Variants in MTMR7 observed in about 807,000 individuals in gnomAD.
MTMR7 encodes myotubularin related protein 7.
In MTMR7, 76 loss-of-function variants were observed where a neutral mutation model predicts 81.2. That is an observed-to-expected ratio of 0.94 (90% CI 0.78 to 1.13). The LOEUF (loss-of-function observed/expected upper bound fraction) is 1.13. Ranked by LOEUF, MTMR7 falls within the 50% of genes most tolerant of loss-of-function variation. The probability of loss-of-function intolerance (pLI) is 0.00; values close to 1 mark genes in which losing one functional copy is unlikely to be tolerated. For missense variants in MTMR7, 1,044 were observed against 820.0 expected (o/e 1.27, Z -3.34); for synonymous variants, 372 against 289.8 (o/e 1.28, Z -2.88).
At chr8:17,342,355 G>A (rs1340064402) in intron 5 of MTMR7, among the ~76,000 whole-genome samples, 1 of 152,192 alleles carries the variant, frequency 6.6e-6, no homozygotes, top group Non-Finnish European at 1.5e-5. Context: ...GAGACTGTAA[G>A]TCCACAGTGT....
chr8:17,412,527 A>T (rs1013119177), intron 1 of MTMR7, among the ~76,000 whole-genome samples: 2 of 152,234 alleles, frequency 1.3e-5, no homozygotes, highest in Non-Finnish European at 2.9e-5. Context: ...GAGGAGGAAG[A>T]TTTGGTACAG....
At chr8:17,371,359 G>A (rs1034577255) in intron 2 of MTMR7, among the ~76,000 whole-genome samples, 160 bp from the exon 3 acceptor site, 5 of 152,168 alleles carry the variant, frequency 3.3e-5, no homozygotes, top group Admixed American at 3.3e-4. Flanking sequence ...GATGTTCCAG[G>A]TAAGAACCAA....
intron 1 of MTMR7, among the ~76,000 whole-genome samples, chr8:17,406,998 C>G (rs1296243278): frequency 6.6e-6 from 1 of 152,016 alleles, no homozygotes; most frequent in Admixed American, 6.6e-5. Flanking sequence ...TATAGTGTTT[C>G]TCTTTGGAGT....
chr8:17,316,380 T>C lies in MTMR7; in HGVS notation c.866-2979A>G, dbSNP rs185248359. Among the ~76,000 whole-genome samples the C allele has an allele frequency of 4.0e-3, 608 of 152,070 alleles. 7 individuals are homozygous for C. The highest frequency in any genetic ancestry group is 0.014 in the African/African-American group (579 of 41,490). On this transcript the variant is annotated intron_variant, in intron 7 of 13. Transcript: ENST00000180173. Reference sequence around the variant, plus strand: ...CATTAATTTTAACAGCTATATAATATTCCACTCTATATCTTAAATTATTTA... The same window carrying C: ...CATTAATTTTAACAGCTATATAATACTCCACTCTATATCTTAAATTATTTA...
intron 1 of MTMR7, among the ~76,000 whole-genome samples, chr8:17,375,208 C>A (rs1395681867): frequency 6.6e-6 from 1 of 152,080 alleles, no homozygotes; most frequent in Non-Finnish European, 1.5e-5. Flanking sequence ...CTCAAAACAC[C>A]AAGAGCAAAC....
At chr8:17,335,766 C>T (rs368285432) in intron 6 of MTMR7, among the ~76,000 whole-genome samples, 11 of 152,354 alleles carry the variant, frequency 7.2e-5, no homozygotes, top group African/African-American at 2.4e-4. Context: ...CCTTTCTACC[C>T]GCTAAGGACC....
rs559831673 is a variant in MTMR7 at position 17,354,951 on chromosome 8, TTGTTAGTTTTGTTTTGC to T, written c.469-5887_469-5871del. Among the ~76,000 whole-genome samples the T allele has an allele frequency of 5.9e-5, 9 of 152,304 alleles. No homozygotes were observed. In the East Asian group the frequency reaches 7.7e-4, roughly 13 times the overall value. On this transcript the variant is annotated intron_variant, in intron 4 of 13. Coordinates refer to ENST00000180173, the MANE Select transcript of MTMR7 (RefSeq NM_004686.5). ...TTTCTGCTTCAAAACAGTTTGTTCCTTGTTAGTTTTGTTTTGCTGTTAGTTTTGTTTTGCTGTGTGTT... is the reference window on the plus strand; with the variant it reads ...TTTCTGCTTCAAAACAGTTTGTTCCTTGTTAGTTTTGTTTTGCTGTGTGTT...
chr8:17,353,838 T>C lies in MTMR7; in HGVS notation c.469-4757A>G, dbSNP rs80189530. Among the ~76,000 whole-genome samples the C allele has an allele frequency of 7.2e-5, 11 of 152,334 alleles. No homozygotes were observed. In the East Asian group the frequency reaches 1.9e-3, roughly 27 times the overall value. On this transcript the variant is annotated intron_variant, in intron 4 of 13. Transcript: ENST00000180173. Reference sequence around the variant, plus strand: ...TTCCTGGAGTGCCCACATCCCTTGGTGCTGTCCTGGCAAGGGGAATCTTTT... The same window carrying C: ...TTCCTGGAGTGCCCACATCCCTTGGCGCTGTCCTGGCAAGGGGAATCTTTT...
At chr8:17,401,092 TGTA>T (rs1821415203) in intron 1 of MTMR7, among the ~76,000 whole-genome samples, 1 of 152,090 alleles carries the variant, frequency 6.6e-6, no homozygotes, top group Non-Finnish European at 1.5e-5. Flanking sequence ...GGATACGGAA[TGTA>T]TGCATGTGTG....
At chr8:17,307,791 A>G (rs1817553207) in intron 10 of MTMR7, among the ~76,000 whole-genome samples, 1 of 152,138 alleles carries the variant, frequency 6.6e-6, no homozygotes, top group Admixed American at 6.5e-5. Flanking sequence ...CAAGGACAAA[A>G]AAACCAAACA....
intron 4 of MTMR7, chr8:17,349,318 G>A: frequency 2.6e-6 from 1 of 385,450 alleles, no homozygotes; most frequent in East Asian, 4.0e-5. Flanking sequence ...CCCGTGCACT[G>A]TCCCCTCTCT....
At chr8:17,319,103 A>G (rs368889884) in intron 7 of MTMR7, among the ~76,000 whole-genome samples, 1 of 152,222 alleles carries the variant, frequency 6.6e-6, no homozygotes, top group Admixed American at 6.5e-5. Flanking sequence ...ACGTCTGAGT[A>G]ATAATCATGA....
chr8:17,309,908 G>T (rs1029492871), intron 9 of MTMR7, among the ~76,000 whole-genome samples: 2 of 152,296 alleles, frequency 1.3e-5, no homozygotes, highest in East Asian at 3.9e-4. Flanking sequence ...GCCCTGCTTT[G>T]AAATTAGGGT....
chr8:17,403,052 G>C (rs1821474662), intron 1 of MTMR7, among the ~76,000 whole-genome samples: 1 of 152,116 alleles, frequency 6.6e-6, no homozygotes, highest in Admixed American at 6.5e-5. Flanking sequence ...CTTCCTTTGA[G>C]AAATGTCTAT....
rs534792461 is a variant in MTMR7, at chr8:17,298,883, C to T, written c.*979G>A. 9.9e-4 allele frequency: 150 copies of T among 152,270 alleles called. 1 individual carries two copies. The highest frequency in any genetic ancestry group is 3.3e-3 in the African/African-American group (139 of 41,560). 9.4% of individuals were successfully genotyped at this position (152,270 alleles called of 1,614,324 possible). On this transcript the variant is annotated 3_prime_UTR_variant, in exon 14 of 14. Transcript: ENST00000180173. Reference sequence around the variant, plus strand: ...GAGATGTTACTAAGGTTAATTAAACCATATTAGCCAGTTACATAATTTCTA... The same window carrying T: ...GAGATGTTACTAAGGTTAATTAAACTATATTAGCCAGTTACATAATTTCTA...
intron 8 of MTMR7, among the ~76,000 whole-genome samples, chr8:17,312,135 A>G (rs759692249): frequency 2.0e-5 from 3 of 152,274 alleles, no homozygotes; most frequent in Non-Finnish European, 2.9e-5. Context: ...GAAAATCTCC[A>G]GTAAGAAAAG....
chr8:17,349,162 C>T (rs1052186018), intron 4 of MTMR7, 81 bp from the exon 5 acceptor site: 22 of 1,516,042 alleles, frequency 1.5e-5, no homozygotes, highest in South Asian at 7.0e-5. Flanking sequence ...CACTTCACCA[C>T]GCTTACAGGT....
chr8:17,371,956 T>C lies in MTMR7; in HGVS notation c.148-757A>G, dbSNP rs183793916. On this transcript the variant is annotated intron_variant, in intron 2 of 13. Transcript: ENST00000180173. ...TGAGTATGGTCACCTTGCTGTGCAA[T>C]AGATTTCCAGACTTTTCCTCCTGTC... is the stretch of plus-strand genomic sequence containing the variant. 2.1e-3 allele frequency among the ~76,000 whole-genome samples: 320 copies of C among 150,102 alleles called. 2 individuals are homozygous for C. The highest frequency in any genetic ancestry group is 2.4e-3 in the Non-Finnish European group (163 of 67,640).
chr8:17,353,618 G>A (rs570290993), intron 4 of MTMR7, among the ~76,000 whole-genome samples: 2 of 152,126 alleles, frequency 1.3e-5, no homozygotes, highest in Non-Finnish European at 2.9e-5. Context: ...ATTTTGTCTG[G>A]TTTGGAAAAC....
Sources: gnomAD v4.1 joint callset for allele counts (sites outside exome capture counted in the v4.1 genomes callset) on GRCh38, gnomAD v4.1.1 for gene constraint, MANE v1.5 for transcripts, NCBI Gene and HGNC (gene_info 2026-07-23, HGNC 2026-07-21) for gene names.